Variants in FGF14 observed in about 807,000 individuals in gnomAD.
FGF14 encodes the protein fibroblast growth factor 14, also known as fibroblast growth factor homologous factor 4.
A neutral mutation model predicts 25.5 loss-of-function variants in FGF14; 5 were observed. The ratio of observed to expected loss-of-function variants is 0.20; its 90% confidence interval spans 0.10 to 0.41. FGF14 has a LOEUF of 0.41. Ranked by LOEUF, FGF14 falls within the 10% of genes least tolerant of loss-of-function variation. The pLI is 1.00. For synonymous variants in FGF14, 138 were observed against 118.3 expected, an observed-to-expected ratio of 1.17 and a Z score of -1.08; for missense variants, 222 against 320.1, an observed-to-expected ratio of 0.69 and a Z score of 2.34.
At chr13:101,797,643 C>T (rs2040605270) in intron 3 of FGF14, among the ~76,000 whole-genome samples, 2 of 151,924 alleles carry the variant, frequency 1.3e-5, no homozygotes, top group African/African-American at 2.4e-5. Context: ...GAGAGTTGCA[C>T]TCCATTTGTT....
chr13:101,818,283 G>T (rs757949923), intron 3 of FGF14, among the ~76,000 whole-genome samples: 2 of 152,134 alleles, frequency 1.3e-5, no homozygotes, highest in East Asian at 3.9e-4. Flanking sequence ...CTCAAACTCA[G>T]AAATTCTGAT....
intron 1 of FGF14, among the ~76,000 whole-genome samples, chr13:102,186,385 T>C (rs1281392930): frequency 6.6e-6 from 1 of 152,154 alleles, no homozygotes; most frequent in Non-Finnish European, 1.5e-5. Flanking sequence ...ACAACTTATT[T>C]TTACAACAAT....
At chr13:102,020,175 AG>A (rs1435903889) in intron 1 of FGF14, among the ~76,000 whole-genome samples, 1 of 152,034 alleles carries the variant, frequency 6.6e-6, no homozygotes, top group Non-Finnish European at 1.5e-5. Context: ...GGCTTATTTG[AG>A]GGAGGGACAT....
At chr13:101,872,478 AT>A (rs908947549) in intron 2 of FGF14, among the ~76,000 whole-genome samples, 3 of 151,838 alleles carry the variant, frequency 2.0e-5, no homozygotes, top group Non-Finnish European at 4.4e-5. Flanking sequence ...GCACATTCCT[AT>A]TTTTAAAGAA....
intron 1 of FGF14, among the ~76,000 whole-genome samples, chr13:101,911,863 A>G (rs2032972560): frequency 6.6e-6 from 1 of 152,162 alleles, no homozygotes. Context: ...CAAAGAGAAA[A>G]TATCTTCCAA....
intron 3 of FGF14, among the ~76,000 whole-genome samples, chr13:101,780,041 T>C (rs2039393416): frequency 6.6e-6 from 1 of 152,206 alleles, no homozygotes; most frequent in African/African-American, 2.4e-5. Context: ...CGGATTTTGA[T>C]TCAGCTACTT....
intron 3 of FGF14, among the ~76,000 whole-genome samples, chr13:101,794,683 A>T (rs1011999131): frequency 6.6e-6 from 1 of 152,124 alleles, no homozygotes; most frequent in Admixed American, 6.6e-5. Flanking sequence ...CCCATGCTAT[A>T]TTCAACTGAA....
chr13:101,752,170 T>G (rs564408514), intron 3 of FGF14, among the ~76,000 whole-genome samples: 53 of 152,308 alleles, frequency 3.5e-4, no homozygotes, highest in Middle Eastern at 3.4e-3. Context: ...TATCAGTAAA[T>G]ATGAATGGGC....
intron 1 of FGF14, among the ~76,000 whole-genome samples, chr13:102,317,609 A>C (rs1486951558): frequency 6.6e-6 from 1 of 152,104 alleles, no homozygotes; most frequent in Non-Finnish European, 1.5e-5. Context: ...ACACTTTCCA[A>C]AATATAGGAC....
intron 1 of FGF14, among the ~76,000 whole-genome samples, chr13:102,302,133 C>T (rs1373174855): frequency 6.6e-6 from 1 of 152,092 alleles, no homozygotes; most frequent in East Asian, 1.9e-4. Context: ...TGCTTTCTTA[C>T]CAGATTAAGG....
chr13:102,347,581 C>G (rs1474070497), intron 1 of FGF14, among the ~76,000 whole-genome samples: 4 of 152,250 alleles, frequency 2.6e-5, no homozygotes, highest in Admixed American at 2.0e-4. Context: ...CAATGAAGCC[C>G]TCTCGCACTT....
intron 1 of FGF14, among the ~76,000 whole-genome samples, chr13:102,241,329 C>T (rs964265159): frequency 3.3e-5 from 5 of 152,082 alleles, no homozygotes; most frequent in African/African-American, 1.2e-4. Context: ...GTCCCATATC[C>T]CTTTACCCTA....
chr13:102,394,817 A>T (rs2058535909), intron 1 of FGF14: 1 of 152,318 alleles, frequency 6.6e-6, no homozygotes, highest in Non-Finnish European at 1.5e-5. Flanking sequence ...ACCCAGCTTC[A>T]CCCGGATTAC....
rs1379517848 is a variant in FGF14 at position 101,821,017 on chromosome 13, G to C, written c.408+47708C>G. On this transcript the variant is annotated intron_variant, in intron 3 of 4. Transcript: ENST00000376143. ...GGCTGGAGTGCAGTGGCATGATCTC[G>C]GCTCACTGCAGGCTCCGCCCCCCGG... 2.8e-5 allele frequency among the ~76,000 whole-genome samples: 4 copies of C among 145,352 alleles called. No individual in the cohort carries two copies. The East Asian group carries it at 8.3e-4, about 30-fold the overall frequency.
chr13:102,215,693 A>T (rs544671676), intron 1 of FGF14, among the ~76,000 whole-genome samples: 4 of 152,202 alleles, frequency 2.6e-5, no homozygotes, highest in African/African-American at 9.7e-5. Flanking sequence ...TGTTTAGGCT[A>T]TTTATATAAT....
At chr13:101,975,932 C>T (rs960358605) in intron 1 of FGF14, among the ~76,000 whole-genome samples, 2 of 152,202 alleles carry the variant, frequency 1.3e-5, no homozygotes, top group Admixed American at 1.3e-4. Flanking sequence ...CACAAGAGGG[C>T]CGTTGGGCCT....
chr13:102,337,466 T>A (rs1438246537), intron 1 of FGF14, among the ~76,000 whole-genome samples: 6 of 152,186 alleles, frequency 3.9e-5, no homozygotes, highest in Non-Finnish European at 8.8e-5. Context: ...AAAGTGTTTT[T>A]TTGAGATGGA....
intron 3 of FGF14, among the ~76,000 whole-genome samples, chr13:101,817,580 G>C (rs571349679): frequency 6.6e-6 from 1 of 152,226 alleles, no homozygotes; most frequent in African/African-American, 2.4e-5. Flanking sequence ...TCTTTGAAAA[G>C]GTACTTCAAC....
At chr13:102,331,913 G>C (rs1165472624) in intron 1 of FGF14, among the ~76,000 whole-genome samples, 1 of 152,164 alleles carries the variant, frequency 6.6e-6, no homozygotes, top group Non-Finnish European at 1.5e-5. Flanking sequence ...CCCCATAGCA[G>C]AGACAGACAG....
Sources: allele counts gnomAD v4.1 joint callset (sites outside exome capture counted in the v4.1 genomes callset), GRCh38; gene constraint gnomAD v4.1.1; transcripts MANE v1.5; gene names NCBI Gene and HGNC (gene_info 2026-07-23, HGNC 2026-07-21).